The following CCDC102B variants were observed in gnomAD, a reference collection of about 807,000 sequenced individuals.
CCDC102B encodes the protein coiled-coil domain containing 102B, also known as coiled-coil domain-containing protein 102B.
A neutral mutation model predicts 57.4 loss-of-function variants in CCDC102B; 75 were observed. That is an observed-to-expected ratio of 1.31 (90% CI 1.08 to 1.58). The LOEUF is 1.58. Among genes scored for constraint, CCDC102B ranks in the 40% most tolerant of loss-of-function variants. The pLI, the probability that CCDC102B is intolerant of heterozygous loss-of-function variation, is 0.00. For synonymous variants in CCDC102B, 206 were observed against 201.9 expected (o/e 1.02, Z -0.17); for missense variants, 636 against 582.6 (o/e 1.09, Z -0.94).
chr18:68,947,388 A>G (rs2049570150), intron 6 of CCDC102B, among the ~76,000 whole-genome samples: 1 of 152,090 alleles, frequency 6.6e-6, no homozygotes, highest in African/African-American at 2.4e-5. Flanking sequence ...TATATGGCCC[A>G]AAATATAATG....
intron 6 of CCDC102B, among the ~76,000 whole-genome samples, chr18:69,009,056 T>C (rs368443676): frequency 7.1e-4 from 108 of 152,234 alleles, no homozygotes; most frequent in African/African-American, 2.5e-3. Context: ...TATGAGTATA[T>C]CTGTGAAATA....
chr18:68,869,541 T>C (rs1373465019), intron 4 of CCDC102B, among the ~76,000 whole-genome samples: 2 of 152,214 alleles, frequency 1.3e-5, no homozygotes, highest in Admixed American at 6.5e-5. Flanking sequence ...AACAAAGAAC[T>C]TGAGTGGAAG....
chr18:68,735,793 AT>A (rs1290251299), intron 2 of CCDC102B, among the ~76,000 whole-genome samples: 5 of 152,176 alleles, frequency 3.3e-5, no homozygotes, highest in Non-Finnish European at 7.3e-5. Context: ...AAACTAACCA[AT>A]TAAAAACACC....
At chr18:69,042,223 C>CA (rs2052452092) in intron 7 of CCDC102B, among the ~76,000 whole-genome samples, 1 of 152,042 alleles carries the variant, frequency 6.6e-6, no homozygotes, top group Admixed American at 6.6e-5. Context: ...TATTGAATTA[C>CA]ATATTAAACA....
rs190629058 is a variant in CCDC102B at position 68,946,970 on chromosome 18, G to A, written c.1263+49542G>A. ...TGGAACAGCAAGTGTCTTATAATAC[G>A]TAAGACACAGTATTCTGTGGGAAAT... is the stretch of plus-strand genomic sequence containing the variant. On this transcript the variant is annotated intron_variant, in intron 6 of 7. Transcript: ENST00000360242. Among the ~76,000 whole-genome samples the A allele has an allele frequency of 6.0e-4, 91 of 151,924 alleles. 1 individual carries two copies. Among genetic ancestry groups the A allele is most frequent in the African/African-American group, 2.0e-3 (84 of 41,482 alleles).
At chr18:68,846,868 A>T (rs2037890350) in intron 4 of CCDC102B, among the ~76,000 whole-genome samples, 1 of 151,786 alleles carries the variant, frequency 6.6e-6, no homozygotes, top group Non-Finnish European at 1.5e-5. Context: ...GCCTGATAAT[A>T]TCAATTTATC....
At chr18:68,904,382 A>G (rs1052645508) in intron 6 of CCDC102B, among the ~76,000 whole-genome samples, 3 of 152,234 alleles carry the variant, frequency 2.0e-5, no homozygotes, top group African/African-American at 7.2e-5. Flanking sequence ...GCTAAGCTAC[A>G]TGTAGGTCCT....
intron 1 of CCDC102B, among the ~76,000 whole-genome samples, chr18:68,819,906 C>T (rs1486176120): frequency 6.6e-6 from 1 of 152,008 alleles, no homozygotes; most frequent in Non-Finnish European, 1.5e-5. Context: ...TAGAAATACA[C>T]ATAATTGTGT....
At chr18:68,906,943 G>A (rs1261313888) in intron 6 of CCDC102B, among the ~76,000 whole-genome samples, 1 of 89,162 alleles carries the variant, frequency 1.1e-5, no homozygotes, top group African/African-American at 4.8e-5. Context: ...ACTTTTACCT[G>A]TCATATTTAC....
At chr18:68,955,730 GT>G (rs1232072089) in intron 6 of CCDC102B, among the ~76,000 whole-genome samples, 1 of 151,462 alleles carries the variant, frequency 6.6e-6, no homozygotes, top group Non-Finnish European at 1.5e-5. Flanking sequence ...TATAATTTAT[GT>G]ATGATAAATT....
At chr18:68,746,268 T>A (rs1300496896) in intron 2 of CCDC102B, among the ~76,000 whole-genome samples, 1 of 152,204 alleles carries the variant, frequency 6.6e-6, no homozygotes, top group African/African-American at 2.4e-5. Flanking sequence ...ACTTTAACTA[T>A]TTCTGAATGC....
At chr18:68,750,259 G>T (rs2033794154) in intron 2 of CCDC102B, among the ~76,000 whole-genome samples, 1 of 152,152 alleles carries the variant, frequency 6.6e-6, no homozygotes, top group South Asian at 2.1e-4. Context: ...TCTCACACCA[G>T]TTAGAATGGC....
At chr18:68,720,594 A>C (rs921382698) in intron 2 of CCDC102B, among the ~76,000 whole-genome samples, 10 of 152,216 alleles carry the variant, frequency 6.6e-5, no homozygotes, top group African/African-American at 2.4e-4. Flanking sequence ...TTTCACATGG[A>C]ATCTTTTACC....
intron 5 of CCDC102B, among the ~76,000 whole-genome samples, chr18:68,876,431 C>A (rs1418008644): frequency 3.3e-5 from 5 of 152,080 alleles, no homozygotes; most frequent in Admixed American, 3.3e-4. Context: ...AGATGAAATA[C>A]AAGATATTTT....
chr18:69,045,780 C>G (rs1472948560), intron 7 of CCDC102B, among the ~76,000 whole-genome samples: 2 of 152,012 alleles, frequency 1.3e-5, no homozygotes, highest in African/African-American at 4.8e-5. Flanking sequence ...CAAGTAGGTC[C>G]CAGTGTCTGT....
upstream of CCDC102B, among the ~76,000 whole-genome samples, chr18:68,797,920 C>A (rs905038684): frequency 2.0e-5 from 3 of 151,934 alleles, no homozygotes; most frequent in African/African-American, 7.3e-5. Flanking sequence ...CTTTGGATAA[C>A]CATACTTAGG....
intron 2 of CCDC102B, among the ~76,000 whole-genome samples, chr18:68,783,726 T>A (rs1377844224): frequency 6.6e-6 from 1 of 152,176 alleles, no homozygotes; most frequent in Non-Finnish European, 1.5e-5. Context: ...CTTGTCTGAT[T>A]TACATCAGAA....
At chr18:68,832,294 A>G (rs1156336121) in intron 1 of CCDC102B, among the ~76,000 whole-genome samples, 1 of 152,124 alleles carries the variant, frequency 6.6e-6, no homozygotes. Context: ...CACTTGGGAG[A>G]GACTTTCCTA....
chr18:69,036,675 C>T (rs945555323), intron 7 of CCDC102B, among the ~76,000 whole-genome samples: 25 of 152,072 alleles, frequency 1.6e-4, no homozygotes, highest in Admixed American at 3.3e-4. Flanking sequence ...AAAATGAATA[C>T]CCCTGCTGCA....
Sources: allele counts gnomAD v4.1 joint callset (sites outside exome capture counted in the v4.1 genomes callset), GRCh38; gene constraint gnomAD v4.1.1; transcripts MANE v1.5; gene names NCBI Gene and HGNC (gene_info 2026-07-23, HGNC 2026-07-21).